Variants in LITAF observed in about 807,000 individuals in gnomAD.
The protein encoded by LITAF is lipopolysaccharide-induced tumor necrosis factor-alpha factor.
A neutral mutation model predicts 14.5 loss-of-function variants in LITAF; 9 were observed. That is an observed-to-expected ratio of 0.62 (90% CI 0.37 to 1.08). LITAF has a LOEUF of 1.08. Ranked by LOEUF, LITAF falls within the 50% of genes least tolerant of loss-of-function variation. The pLI is 0.01. For missense variants in LITAF, 206 were observed against 213.4 expected, an observed-to-expected ratio of 0.97 and a Z score of 0.22; for synonymous variants, 98 against 88.2, an observed-to-expected ratio of 1.11 and a Z score of -0.62.
chr16:11,549,532 G>T lies in LITAF; in HGVS notation c.*105C>A. On this transcript the variant is annotated 3_prime_UTR_variant, in exon 4 of 4. Coordinates refer to ENST00000622633, the MANE Select transcript of LITAF (RefSeq NM_001136472.2). The surrounding 1 kb of genome is among the most constrained non-coding windows in gnomAD (Gnocchi z 4.6). The stretch of plus-strand genomic sequence containing the variant: ...AAGAAGACATGAAGGTGGGCCCCCT[G>T]GAGAGGTGAGACCACCAGGGCAGAA... 1.2e-6 allele frequency: 1 copy of T among 819,068 alleles called. No homozygotes were observed. Among genetic ancestry groups the T allele is most frequent in the Non-Finnish European group, 2.1e-6 (1 of 482,162 alleles). The allele number at this position is 819,068 out of a possible 1,614,324, so 50.7% of individuals were successfully genotyped here. A position where few individuals can be genotyped will look rare whatever the true frequency, so the allele number is the denominator to read the frequency against.
At chr16:11,569,770 C>A (rs557429783) in intron 1 of LITAF, among the ~76,000 whole-genome samples, 1 of 152,148 alleles carries the variant, frequency 6.6e-6, no homozygotes, top group South Asian at 2.1e-4. Flanking sequence ...TGGTGGCTCA[C>A]GCCTGTAATC....
chr16:11,560,233 G>GT (rs1210854722), intron 1 of LITAF, among the ~76,000 whole-genome samples: 4 of 152,008 alleles, frequency 2.6e-5, no homozygotes, highest in Admixed American at 2.6e-4. Flanking sequence ...GGAGGTGGAG[G>GT]TTGCAGGGAG....
chr16:11,626,035 C>G (rs117824720), intron 3 of LITAF, among the ~76,000 whole-genome samples: 1 of 152,118 alleles, frequency 6.6e-6, no homozygotes, highest in African/African-American at 2.4e-5. Context: ...AGATCCCATG[C>G]GCTTAGTAAA....
Position 11,549,376 on chromosome 16 carries a change from A to G in LITAF, c.*261T>C. 1.9e-6 allele frequency: 1 copy of G among 531,628 alleles called. No homozygotes were observed. Among genetic ancestry groups the G allele is most frequent in the Non-Finnish European group, 3.6e-6 (1 of 276,042 alleles). The allele number at this position is 531,628 out of a possible 1,614,324, so 32.9% of individuals were successfully genotyped here. A position where few individuals can be genotyped will look rare whatever the true frequency, so the allele number is the denominator to read the frequency against. The stretch of plus-strand genomic sequence containing the variant: ...TGATCACAGTTAGATGGCAGGACTC[A>G]GGGTCTCAGGGAGGCAGGAAACCGT... On this transcript the variant is annotated 3_prime_UTR_variant, in exon 4 of 4. Transcript: ENST00000622633. The surrounding 1 kb of genome is among the most constrained non-coding windows in gnomAD (Gnocchi z 4.6).
chr16:11,582,861 T>C (rs1020659664), intron 1 of LITAF, among the ~76,000 whole-genome samples: 1 of 152,228 alleles, frequency 6.6e-6, no homozygotes, highest in Non-Finnish European at 1.5e-5. Flanking sequence ...ACTTATTAAA[T>C]TGAATATTGC....
At chr16:11,583,692 A>G (rs951115005) in intron 1 of LITAF, among the ~76,000 whole-genome samples, 2 of 152,196 alleles carry the variant, frequency 1.3e-5, no homozygotes, top group African/African-American at 4.8e-5. Context: ...AAGGCAAGAC[A>G]TCATTAAGCT....
At chr16:11,620,978 C>T (rs2065046758) in intron 3 of LITAF, among the ~76,000 whole-genome samples, 1 of 152,106 alleles carries the variant, frequency 6.6e-6, no homozygotes, top group South Asian at 2.1e-4. Context: ...TTACTGCAGC[C>T]TCAACTTTCT....
chr16:11,556,198 A>C, intron 2 of LITAF: 1 of 485,414 alleles, frequency 2.1e-6, no homozygotes, highest in Non-Finnish European at 3.6e-6. Flanking sequence ...CCTCAGGAGG[A>C]AGTGTGCGGG....
At chr16:11,564,742 A>G (rs887910703) in intron 1 of LITAF, among the ~76,000 whole-genome samples, 1 of 152,102 alleles carries the variant, frequency 6.6e-6, no homozygotes, top group Non-Finnish European at 1.5e-5. Flanking sequence ...CAGTTTTATC[A>G]CTGATCATTC....
chr16:11,619,760 G>T (rs1204127801), intron 3 of LITAF, among the ~76,000 whole-genome samples: 1 of 152,000 alleles, frequency 6.6e-6, no homozygotes, highest in African/African-American at 2.4e-5. Flanking sequence ...TTTTGTAGAG[G>T]CGTCATCCTG....
intron 3 of LITAF, among the ~76,000 whole-genome samples, chr16:11,617,397 CCAG>C (rs2065025386): frequency 1.3e-5 from 2 of 151,262 alleles, no homozygotes; most frequent in South Asian, 4.2e-4. Flanking sequence ...AGGGGCAGTC[CCAG>C]CAATATATCA....
intron 1 of LITAF, among the ~76,000 whole-genome samples, chr16:11,597,361 G>A (rs2064896368): frequency 6.6e-6 from 1 of 152,106 alleles, no homozygotes; most frequent in African/African-American, 2.4e-5. Context: ...GGAGAGGCTG[G>A]GCAGTGGAGT....
intron 3 of LITAF, among the ~76,000 whole-genome samples, chr16:11,619,488 G>C (rs2065037335): frequency 6.6e-6 from 1 of 152,056 alleles, no homozygotes; most frequent in African/African-American, 2.4e-5. Context: ...TCATGCAAGA[G>C]ACAGAAACAG....
At chr16:11,556,799 T>A in intron 1 of LITAF, 64 bp from the exon 2 acceptor site, 1 of 1,351,350 alleles carries the variant, frequency 7.4e-7, no homozygotes, top group Non-Finnish European at 1.1e-6. Context: ...CTTTTTCACC[T>A]AAGTCTTCAA....
At chr16:11,579,007 G>A (rs1054646870) in intron 1 of LITAF, among the ~76,000 whole-genome samples, 13 of 152,106 alleles carry the variant, frequency 8.5e-5, no homozygotes, top group African/African-American at 3.1e-4. Flanking sequence ...TGGCCAACAT[G>A]GGGAAACCCC....
At chr16:11,578,348 G>C (rs1032984315) in intron 1 of LITAF, among the ~76,000 whole-genome samples, 1 of 152,110 alleles carries the variant, frequency 6.6e-6, no homozygotes, top group South Asian at 2.1e-4. Context: ...ACCTGAGGTC[G>C]GGAGTTCGAG....
intron 1 of LITAF, among the ~76,000 whole-genome samples, chr16:11,568,891 C>G (rs969269475): frequency 2.0e-5 from 3 of 151,966 alleles, no homozygotes; most frequent in African/African-American, 7.2e-5. Flanking sequence ...TATTGGCCAA[C>G]CTGGTCTCCA....
Position 11,558,415 on chromosome 16 carries a change from C to T in LITAF, c.-5-1680G>A, listed in dbSNP as rs2064307589. Among the ~76,000 whole-genome samples the T allele has an allele frequency of 6.6e-6, 1 of 151,814 alleles. No individual in the cohort carries two copies. Among genetic ancestry groups the T allele is most frequent in the African/African-American group, 2.4e-5 (1 of 41,224 alleles). ...TGAGACCCCCATCTCTAAAACAAAA[C>T]AAAACAAAAGGGCTGGGTGCAGTGG... On this transcript the variant is annotated intron_variant, in intron 1 of 3. Transcript: ENST00000622633. The surrounding 1 kb of genome is among the most constrained non-coding windows in gnomAD (Gnocchi z 4.1).
rs553296652 is a variant in LITAF at position 11,565,153 on chromosome 16, G to A, written c.-5-8418C>T. On this transcript the variant is annotated intron_variant, in intron 1 of 3. Transcript: ENST00000622633. ...GCTGGAGTACAGTGGCACAATCTTG[G>A]CTCGCTGCAACCTCTGCCTCCCAGG... Among the ~76,000 whole-genome samples the A allele has an allele frequency of 1.8e-4, 27 of 151,302 alleles. 1 individual carries two copies. In the South Asian group the frequency reaches 5.6e-3, roughly 32 times the overall value.
Sources: gnomAD v4.1 joint callset for allele counts (sites outside exome capture counted in the v4.1 genomes callset) on GRCh38, gnomAD v4.1.1 for gene constraint, Gnocchi (gnomAD v3.1) non-coding constraint, MANE v1.5 for transcripts, NCBI Gene and HGNC (gene_info 2026-07-23, HGNC 2026-07-21) for gene names.